SUMF1: variants seen among roughly 807,000 people sequenced by gnomAD.
The protein encoded by SUMF1 is formylglycine-generating enzyme.
A neutral mutation model predicts 47.6 loss-of-function variants in SUMF1; 48 were observed. The observed-to-expected ratio is 1.01, with a 90% CI of 0.80 to 1.28. SUMF1 has a LOEUF of 1.28. Among genes scored for constraint, SUMF1 ranks in the 50% most tolerant of loss-of-function variants. SUMF1 has a pLI of 0.00. For synonymous variants in SUMF1, 230 were observed against 192.1 expected (o/e 1.20, Z -1.63); for missense variants, 571 against 485.4 (o/e 1.18, Z -1.66).
In SUMF1 at chr3:4,457,438, G is replaced by A. The variant is rs146444107; in HGVS notation, c.271-4389C>T. Among the ~76,000 whole-genome samples the A allele has an allele frequency of 3.5e-3, 532 of 151,962 alleles. 3 individuals carry two copies. The highest frequency in any genetic ancestry group is 0.012 in the African/African-American group (502 of 41,434). On this transcript the variant is annotated intron_variant, in intron 1 of 8. Coordinates refer to ENST00000272902, the MANE Select transcript of SUMF1 (RefSeq NM_182760.4). ...AGCACAACAAAAGACCCCAAAGAGC[G>A]AAAGCAATTTTGAGCAAAAAGAACA...
At chr3:4,432,017 C>G (rs545004476) in intron 3 of SUMF1, among the ~76,000 whole-genome samples, 2 of 152,160 alleles carry the variant, frequency 1.3e-5, no homozygotes, top group Admixed American at 1.3e-4. Context: ...TATAGCTAAA[C>G]TGAAATCTGT....
intron 8 of SUMF1, among the ~76,000 whole-genome samples, chr3:4,161,999 C>A (rs1321717328): frequency 6.6e-6 from 1 of 152,134 alleles, no homozygotes; most frequent in Non-Finnish European, 1.5e-5. Flanking sequence ...TTTCAGGGCC[C>A]AAGGGCTCTT....
rs894165292 is a variant in SUMF1, at chr3:4,045,120, T to C, written c.1191+23449A>G. On this transcript the variant is annotated intron_variant and NMD_transcript_variant, in intron 9 of 12. Transcript: ENST00000448413. Reference sequence around the variant, plus strand: ...TGTTTCTGCAAAGGTGTTTTGTAGATGTGATTACAGTCCACAGTCAGTTAA... The same window carrying C: ...TGTTTCTGCAAAGGTGTTTTGTAGACGTGATTACAGTCCACAGTCAGTTAA... 1.3e-4 allele frequency among the ~76,000 whole-genome samples: 20 copies of C among 152,182 alleles called. 1 individual carries two copies. The highest frequency in any genetic ancestry group is 4.6e-4 in the African/African-American group (19 of 41,446).
intron 7 of SUMF1, among the ~76,000 whole-genome samples, chr3:4,393,633 T>TTTTA (rs1175855229): frequency 2.7e-4 from 41 of 151,750 alleles, no homozygotes; most frequent in Admixed American, 5.3e-4. Context: ...ATGACTGGCC[T>TTTTA]TTTATTTATT....
At chr3:4,433,689 T>C (rs1287298668) in intron 3 of SUMF1, among the ~76,000 whole-genome samples, 2 of 152,206 alleles carry the variant, frequency 1.3e-5, no homozygotes, top group African/African-American at 2.4e-5. Context: ...AAAAACTAAA[T>C]GCTCCCATAG....
intron 8 of SUMF1, chr3:4,313,910 A>G: frequency 2.2e-6 from 3 of 1,377,332 alleles, no homozygotes; most frequent in Non-Finnish European, 2.9e-6. Flanking sequence ...CCCTTTCTGT[A>G]ATAGAATTCT....
chr3:4,308,511 C>G (rs2125084319), intron 8 of SUMF1, among the ~76,000 whole-genome samples: 1 of 152,262 alleles, frequency 6.6e-6, no homozygotes, highest in South Asian at 2.1e-4. Flanking sequence ...TATAAAGTGC[C>G]TGACATGGAG....
intron 8 of SUMF1, among the ~76,000 whole-genome samples, chr3:4,216,550 C>T (rs1476774911): frequency 6.6e-6 from 1 of 151,978 alleles, no homozygotes; most frequent in Non-Finnish European, 1.5e-5. Flanking sequence ...TGGGATCTAA[C>T]TAAATTAAAG....
intron 8 of SUMF1, among the ~76,000 whole-genome samples, chr3:4,250,208 G>C (rs892289088): frequency 2.1e-5 from 3 of 145,804 alleles, no homozygotes; most frequent in Non-Finnish European, 4.5e-5. Flanking sequence ...TGAAGGGAGA[G>C]AAAAGAAAGG....
At chr3:4,302,739 T>C (rs1166808271) in intron 8 of SUMF1, among the ~76,000 whole-genome samples, 1 of 151,984 alleles carries the variant, frequency 6.6e-6, no homozygotes, top group African/African-American at 2.4e-5. Context: ...AGAGCTTCAG[T>C]GAGGTTGAAA....
Position 4,467,003 on chromosome 3 carries a change from G to A in SUMF1, c.243C>T (p.Pro81=). ...TTGAGTGCGCGAGTTGCCGCTCTCC[G>A]GGTACGGGGCCCGGAGCGTTAGCCT... ...SREANAPGPV[P]GERQLAHSKM... The change falls in exon 1 of 9, where the codon CCC becomes CCT. Residue 81 remains proline, a synonymous_variant. Coordinates refer to ENST00000272902, the MANE Select transcript of SUMF1 (RefSeq NM_182760.4). The A allele has an allele frequency of 3.1e-6, 5 of 1,598,098 alleles. No homozygotes were observed. The highest frequency in any genetic ancestry group is 2.6e-6 in the Non-Finnish European group (3 of 1,174,134).
In SUMF1 at chr3:4,329,557, T is replaced by C. The variant is rs2125126675; in HGVS notation, c.1014+46773A>G. On this transcript the variant is annotated intron_variant and NMD_transcript_variant, in intron 8 of 12. Coordinates refer to the SUMF1 transcript ENST00000448413. ...TGGTTGGGACACAGGGCACCAAGTCTCTAGGCTGCACACAGCAGCAAGGCC... is the reference window on the plus strand; with the variant it reads ...TGGTTGGGACACAGGGCACCAAGTCCCTAGGCTGCACACAGCAGCAAGGCC... 1.3e-5 allele frequency among the ~76,000 whole-genome samples: 2 copies of C among 152,316 alleles called. 1 individual carries two copies. The highest frequency in any genetic ancestry group is 6.8e-3 in the Middle Eastern group (2 of 294).
intron 8 of SUMF1, among the ~76,000 whole-genome samples, chr3:4,110,971 T>C (rs1309271281): frequency 6.6e-6 from 1 of 151,046 alleles, no homozygotes; most frequent in Admixed American, 6.6e-5. Context: ...TGTGCACATG[T>C]ACCCTATAAC....
intron 8 of SUMF1, among the ~76,000 whole-genome samples, chr3:4,072,519 T>C (rs1267042595): frequency 1.3e-5 from 2 of 152,060 alleles, no homozygotes; most frequent in African/African-American, 4.8e-5. Flanking sequence ...AGAAGGTGGA[T>C]AATCACAAAC....
At chr3:4,128,167 C>T (rs1693700665) in intron 8 of SUMF1, among the ~76,000 whole-genome samples, 1 of 152,128 alleles carries the variant, frequency 6.6e-6, no homozygotes, top group Non-Finnish European at 1.5e-5. Flanking sequence ...AGATTCTTAT[C>T]TCCTGTAGAA....
chr3:4,186,191 C>A (rs540586207), intron 8 of SUMF1, among the ~76,000 whole-genome samples: 4 of 152,228 alleles, frequency 2.6e-5, no homozygotes, highest in Admixed American at 2.6e-4. Flanking sequence ...AACCTAGAGG[C>A]TCATGCTAAT....
chr3:4,167,247 T>C (rs966428716), intron 8 of SUMF1, among the ~76,000 whole-genome samples: 6 of 151,990 alleles, frequency 3.9e-5, no homozygotes, highest in Non-Finnish European at 7.4e-5. Flanking sequence ...TTCCACAGCA[T>C]GGAAGGGGAC....
intron 7 of SUMF1, among the ~76,000 whole-genome samples, chr3:4,401,038 C>A (rs757687788): frequency 1.7e-4 from 25 of 144,510 alleles, no homozygotes; most frequent in Non-Finnish European, 2.4e-4. Flanking sequence ...TTGTTCAACT[C>A]CCACCCATGA....
At chr3:4,357,576 C>CA (rs1699647429), downstream of SUMF1, among the ~76,000 whole-genome samples, 4 of 117,960 alleles carry the variant, frequency 3.4e-5, no homozygotes, top group Admixed American at 8.5e-5. Context: ...CCCCAACCAA[C>CA]TTTTATTTAT....
Sources: allele counts gnomAD v4.1 joint callset (sites outside exome capture counted in the v4.1 genomes callset), GRCh38; gene constraint gnomAD v4.1.1; transcripts MANE v1.5; gene names NCBI Gene and HGNC (gene_info 2026-07-23, HGNC 2026-07-21).